GAB3: variants seen among roughly 807,000 people sequenced by gnomAD.
The protein encoded by GAB3 is GRB2-associated-binding protein 3.
A neutral mutation model predicts 40.4 loss-of-function variants in GAB3; 12 were observed. That is an observed-to-expected ratio of 0.30 (90% CI 0.19 to 0.48). GAB3 has a LOEUF of 0.48. Among genes scored for constraint, GAB3 ranks in the 20% least tolerant of loss-of-function variants. GAB3 has a pLI of 0.99. For synonymous variants in GAB3, 154 were observed against 176.7 expected, an observed-to-expected ratio of 0.87 and a Z score of 1.02; for missense variants, 381 against 461.9, an observed-to-expected ratio of 0.82 and a Z score of 1.61.
intron 1 of GAB3, 106 bp from the exon 2 acceptor site, chrX:154,716,435 C>T (rs2071047714): frequency 2.8e-6 from 2 of 726,048 alleles, no homozygotes; most frequent in African/African-American, 4.3e-5. Context: ...GGAAACAAAT[C>T]AGCCATTCTA....
At chrX:154,687,200 G>GA (rs1396850308) in intron 8 of GAB3, among the ~76,000 whole-genome samples, 2 of 104,824 alleles carry the variant, frequency 1.9e-5, no homozygotes, top group African/African-American at 3.5e-5. Context: ...TCAAAAAAAA[G>GA]AAAAAAACAA....
At chrX:154,729,675 T>C (rs1464368402) in intron 1 of GAB3, among the ~76,000 whole-genome samples, 1 of 112,057 alleles carries the variant, frequency 8.9e-6, no homozygotes, top group African/African-American at 3.2e-5. Flanking sequence ...CAGGGCCTCA[T>C]GGAACAAGGG....
intron 8 of GAB3, among the ~76,000 whole-genome samples, chrX:154,686,109 A>G (rs2070445434): frequency 8.9e-6 from 1 of 111,958 alleles, no homozygotes; most frequent in African/African-American, 3.2e-5. Flanking sequence ...AAACTAGAAG[A>G]GGAGAGAACA....
intron 8 of GAB3, among the ~76,000 whole-genome samples, chrX:154,688,983 T>C (rs2070504870): frequency 9.0e-6 from 1 of 111,001 alleles, no homozygotes; most frequent in Admixed American, 9.6e-5. Flanking sequence ...TTTAGACCAA[T>C]ATCCTTGATG....
In GAB3 at chrX:154,728,044, C is replaced by A. The variant is rs961168305; in HGVS notation, c.73-11715G>T. On this transcript the variant is annotated intron_variant, in intron 1 of 9. Coordinates refer to ENST00000424127, the MANE Select transcript of GAB3 (RefSeq NM_001081573.3). ...AAATCTCTGAGGCTGTAAAGAGACA[C>A]CTCTGATTTAAACTACTTTTCTGGT... Among the ~76,000 whole-genome samples, 3 of 111,414 alleles carry A rather than the reference C, an allele frequency of 2.7e-5. No homozygotes were observed. In the Middle Eastern group the frequency reaches 0.014, roughly 513 times the overall value.
chrX:154,692,237 A>G (rs1301299363), intron 8 of GAB3, among the ~76,000 whole-genome samples: 4 of 111,884 alleles, frequency 3.6e-5, no homozygotes, highest in East Asian at 5.5e-4. Flanking sequence ...CCACAGAATG[A>G]GAGAAAATAT....
chrX:154,742,003 G>A (rs1193421795), intron 1 of GAB3, among the ~76,000 whole-genome samples: 2 of 111,670 alleles, frequency 1.8e-5, no homozygotes, highest in Admixed American at 9.5e-5. Flanking sequence ...AGATTTGGGT[G>A]GAAACACAGA....
At chrX:154,744,869 A>G (rs2071502653) in intron 1 of GAB3, among the ~76,000 whole-genome samples, 2 of 112,890 alleles carry the variant, frequency 1.8e-5, no homozygotes, top group Non-Finnish European at 3.7e-5. Flanking sequence ...CTAGAAATTA[A>G]TAATAGAAAG....
chrX:154,727,456 G>C (rs1334941216), intron 1 of GAB3, among the ~76,000 whole-genome samples: 1 of 112,917 alleles, frequency 8.9e-6, no homozygotes, highest in Non-Finnish European at 1.9e-5. Context: ...CCGGACAGTA[G>C]AGACTTTGTC....
At chrX:154,736,944 G>T in intron 1 of GAB3, among the ~76,000 whole-genome samples, 1 of 112,023 alleles carries the variant, frequency 8.9e-6, no homozygotes, top group South Asian at 3.7e-4. Context: ...TCTTTATCAG[G>T]CCTGGGTCTG....
intron 1 of GAB3, among the ~76,000 whole-genome samples, chrX:154,733,882 T>C: frequency 8.9e-6 from 1 of 112,394 alleles, no homozygotes; most frequent in Middle Eastern, 4.6e-3. Flanking sequence ...GAGTCAGTTA[T>C]CTGTCCTGGA....
chrX:154,744,319 T>A (rs1176461721), intron 1 of GAB3, among the ~76,000 whole-genome samples: 2 of 97,876 alleles, frequency 2.0e-5, no homozygotes, highest in Non-Finnish European at 4.1e-5. Flanking sequence ...AGGTTAGAAG[T>A]AAAAGAATGG....
At chrX:154,696,790 C>G (rs2070664798) in intron 7 of GAB3, among the ~76,000 whole-genome samples, 1 of 112,222 alleles carries the variant, frequency 8.9e-6, no homozygotes, top group Non-Finnish European at 1.9e-5. Flanking sequence ...AGCATGCAAA[C>G]AAGTTCAGGG....
intron 8 of GAB3, among the ~76,000 whole-genome samples, chrX:154,686,133 C>T (rs2070445802): frequency 9.0e-6 from 1 of 111,410 alleles, no homozygotes; most frequent in Non-Finnish European, 1.9e-5. Context: ...CCTGAGGAGC[C>T]CGGCATGACC....
At chrX:154,745,147 T>A in intron 1 of GAB3, among the ~76,000 whole-genome samples, 1 of 110,467 alleles carries the variant, frequency 9.1e-6, no homozygotes, top group Middle Eastern at 4.6e-3. Flanking sequence ...GCCTGGCCAA[T>A]ATGGTGAAAC....
Position 154,695,924 on chromosome X carries a change from A to T in GAB3, c.1523T>A (p.Ile508Asn), listed in dbSNP as rs782788126. The T allele has an allele frequency of 8.7e-7, 1 of 1,150,623 alleles. No individual in the cohort carries two copies. The highest frequency in any genetic ancestry group is 3.0e-5 in the East Asian group (1 of 33,531). The allele number at this position is 1,150,623 out of a possible 1,213,427, so 94.8% of individuals were successfully genotyped here. The change falls in exon 8 of 10, where the codon ATC becomes AAC. Residue 508 changes from isoleucine to asparagine, a missense_variant. By Grantham distance (149) the Ile-to-Asn change is moderately radical (BLOSUM62 -3). Around this residue, in one of 2 missense-constraint regions of GAB3, gnomAD observed 364 missense variants for 421.0 expected, o/e 0.86. Coordinates refer to ENST00000424127, the MANE Select transcript of GAB3 (RefSeq NM_001081573.3). ...PVSREDEESY[I>N]EMEEHRTASS... is the part of the protein sequence containing the mutation. ...TGAAAAATATAAGATTACCATTTCG[A>T]TGTAGCTTTCTTCGTCTTCTCTGGA...
chrX:154,734,695 G>A (rs1557260352), intron 1 of GAB3, among the ~76,000 whole-genome samples: 4 of 111,988 alleles, frequency 3.6e-5, no homozygotes, highest in East Asian at 2.8e-4. Context: ...AGACAGACAA[G>A]TAAACAGAGG....
At chrX:154,741,183 A>G (rs1244000556) in intron 1 of GAB3, among the ~76,000 whole-genome samples, 6 of 111,721 alleles carry the variant, frequency 5.4e-5, no homozygotes, top group African/African-American at 2.0e-4. Flanking sequence ...GCCATGTGAG[A>G]CGTGCCTTTC....
At chrX:154,730,596 T>C (rs918590508) in intron 1 of GAB3, among the ~76,000 whole-genome samples, 19 of 112,330 alleles carry the variant, frequency 1.7e-4, no homozygotes, top group Non-Finnish European at 3.2e-4. Context: ...GTTTATGTGT[T>C]GCAAAAGGTA....
Sources: gnomAD v4.1 joint callset for allele counts (sites outside exome capture counted in the v4.1 genomes callset) on GRCh38, gnomAD v4.1.1 for gene constraint, gnomAD v4.1.1 regional missense constraint, MANE v1.5 for transcripts, NCBI Gene and HGNC (gene_info 2026-07-23, HGNC 2026-07-21) for gene names.